The following USP48 variants were observed in gnomAD, a reference collection of about 807,000 sequenced individuals.
The protein encoded by USP48 is ubiquitin specific peptidase 48.
A neutral mutation model predicts 150.7 loss-of-function variants in USP48; 43 were observed. The observed-to-expected ratio is 0.29, with a 90% CI of 0.22 to 0.37. The LOEUF is 0.37. USP48 is among the 10% of genes least tolerant of loss of function. The pLI, the probability that USP48 is intolerant of heterozygous loss-of-function variation, is 1.00. For missense variants in USP48, 813 were observed against 1,249.6 expected (o/e 0.65, Z 5.27); for synonymous variants, 396 against 425.9 (o/e 0.93, Z 0.86).
At chr1:21,756,728 A>G in intron 2 of USP48, 26 bp from the exon 3 acceptor site, 1 of 1,609,916 alleles carries the variant, frequency 6.2e-7, no homozygotes, top group East Asian at 2.2e-5. Context: ...ATTCATAATT[A>G]TAAAACCCAT....
chr1:21,692,437 G>A (rs2097605025), intron 23 of USP48, among the ~76,000 whole-genome samples: 1 of 152,134 alleles, frequency 6.6e-6, no homozygotes, highest in Non-Finnish European at 1.5e-5. Context: ...CACAGCTGCT[G>A]GACTGTAAAA....
intron 8 of USP48, among the ~76,000 whole-genome samples, chr1:21,739,382 G>A (rs1313485948): frequency 6.6e-6 from 1 of 151,884 alleles, no homozygotes; most frequent in Non-Finnish European, 1.5e-5. Flanking sequence ...AGTCAAGCAT[G>A]GTATTGAGTG....
intron 9 of USP48, among the ~76,000 whole-genome samples, chr1:21,733,366 G>A (rs1184974984): frequency 2.0e-5 from 3 of 152,070 alleles, no homozygotes; most frequent in Non-Finnish European, 2.9e-5. Flanking sequence ...GTAGTGAGCC[G>A]AGATCGCGCC....
intron 1 of USP48, among the ~76,000 whole-genome samples, chr1:21,761,365 A>C (rs1157747099): frequency 6.6e-6 from 1 of 150,944 alleles, no homozygotes; most frequent in East Asian, 1.9e-4. Flanking sequence ...TACATCCTGG[A>C]CTCAAGTAAT....
chr1:21,779,679 C>A (rs1251099647), intron 1 of USP48, among the ~76,000 whole-genome samples: 1 of 152,028 alleles, frequency 6.6e-6, no homozygotes, highest in East Asian at 1.9e-4. Context: ...TTCATAGCAA[C>A]ATTATAATAG....
intron 15 of USP48, 22 bp from the exon 16 acceptor site, chr1:21,706,890 T>TA: frequency 6.4e-7 from 1 of 1,562,588 alleles, no homozygotes; most frequent in Non-Finnish European, 8.6e-7. Context: ...AAAATATATT[T>TA]GGAAAAAAAA....
At chr1:21,780,355 G>C (rs1430175291) in intron 1 of USP48, among the ~76,000 whole-genome samples, 1 of 152,128 alleles carries the variant, frequency 6.6e-6, no homozygotes, top group Non-Finnish European at 1.5e-5. Context: ...GAGAAATCCA[G>C]AGACAGAAAG....
intron 22 of USP48, among the ~76,000 whole-genome samples, chr1:21,695,956 T>A (rs2097628148): frequency 6.6e-6 from 1 of 152,072 alleles, no homozygotes; most frequent in Non-Finnish European, 1.5e-5. Flanking sequence ...ACAGACTCAC[T>A]CATAAAATAT....
chr1:21,690,206 A>C, intron 23 of USP48, 107 bp from the exon 24 acceptor site: 1 of 1,299,688 alleles, frequency 7.7e-7, no homozygotes, highest in Non-Finnish European at 1.0e-6. Context: ...AAAAGGCTTC[A>C]GAGTACAAAA....
At position 21,744,741 on chromosome 1, in the gene USP48, C is replaced by G. The variant is rs369415732; in HGVS notation, c.991+2326G>C. Reference sequence around the variant, plus strand: ...GCAGTGAGCCGAGATCATGCCACTGCACTCCAGCCTGGGCAACAGAATGAA... The same window carrying G: ...GCAGTGAGCCGAGATCATGCCACTGGACTCCAGCCTGGGCAACAGAATGAA... On this transcript the variant is annotated intron_variant, in intron 8 of 26. Coordinates refer to ENST00000308271, the MANE Select transcript of USP48 (RefSeq NM_032236.8). Among the ~76,000 whole-genome samples the G allele has an allele frequency of 3.0e-4, 43 of 141,958 alleles. No individual in the cohort carries two copies. In the East Asian group the frequency reaches 7.8e-3, roughly 26 times the overall value. The allele number at this position is 141,958 out of a possible 152,430, so 93.1% of individuals were successfully genotyped here.
At chr1:21,719,450 T>G (rs967933536) in intron 14 of USP48, among the ~76,000 whole-genome samples, 8 of 151,552 alleles carry the variant, frequency 5.3e-5, no homozygotes, top group African/African-American at 1.9e-4. Flanking sequence ...ATAAATATAA[T>G]ATAAAGTGAC....
intron 1 of USP48, among the ~76,000 whole-genome samples, chr1:21,775,157 T>C (rs1056612151): frequency 1.3e-5 from 2 of 151,936 alleles, no homozygotes; most frequent in African/African-American, 4.8e-5. Context: ...TGCGGTGGCA[T>C]GGTCTTGGCT....
At chr1:21,706,945 C>G in intron 15 of USP48, 77 bp from the exon 16 acceptor site, 1 of 1,467,138 alleles carries the variant, frequency 6.8e-7, no homozygotes, top group Non-Finnish European at 9.1e-7. Flanking sequence ...ATTTCTTAAA[C>G]TTAAGAAAAA....
intron 23 of USP48, among the ~76,000 whole-genome samples, chr1:21,694,495 G>A (rs1421156427): frequency 2.8e-5 from 4 of 140,680 alleles, no homozygotes; most frequent in South Asian, 4.7e-4. Flanking sequence ...GCTTGAACCC[G>A]GTAGGCGGAG....
At chr1:21,719,077 C>T (rs1046543066) in intron 14 of USP48, among the ~76,000 whole-genome samples, 1 of 151,032 alleles carries the variant, frequency 6.6e-6, no homozygotes, top group South Asian at 2.1e-4. Flanking sequence ...GACCAGCTGG[C>T]CAACATGGTG....
At chr1:21,764,290 T>A (rs1489453673) in intron 1 of USP48, among the ~76,000 whole-genome samples, 1 of 151,928 alleles carries the variant, frequency 6.6e-6, no homozygotes, top group African/African-American at 2.4e-5. Flanking sequence ...ATACAAAAAA[T>A]TAGCCAGGTG....
chr1:21,694,927 G>T lies in USP48; in HGVS notation c.2883+139C>A. On this transcript the variant is annotated intron_variant, in intron 23 of 26. Coordinates refer to ENST00000308271, the MANE Select transcript of USP48 (RefSeq NM_032236.8). ...AAATTCACTTTCATCTTCACAAAAA[G>T]ATTTTTGGCTATTTTGAAAACTTTA... 8.2e-6 allele frequency: 8 copies of T among 969,832 alleles called. No homozygotes were observed. The South Asian group carries it at 1.9e-4, about 23-fold the overall frequency. The allele number at this position is 969,832 out of a possible 1,614,324, so 60.1% of individuals were successfully genotyped here. A position where few individuals can be genotyped will look rare whatever the true frequency, so the allele number is the denominator to read the frequency against.
chr1:21,686,349 G>GT (rs1328408731), intron 25 of USP48: 4 of 152,182 alleles, frequency 2.6e-5, no homozygotes, highest in Admixed American at 6.5e-5. Flanking sequence ...TTATATTGAG[G>GT]TATGTTCCTT....
At chr1:21,683,550 C>CT (rs1446660228) in intron 25 of USP48, among the ~76,000 whole-genome samples, 2 of 152,124 alleles carry the variant, frequency 1.3e-5, no homozygotes, top group African/African-American at 4.8e-5. Context: ...ATGCCTGGCT[C>CT]TTTTTTTAAA....
Sources: allele counts gnomAD v4.1 joint callset (sites outside exome capture counted in the v4.1 genomes callset), GRCh38; gene constraint gnomAD v4.1.1; transcripts MANE v1.5; gene names NCBI Gene and HGNC (gene_info 2026-07-23, HGNC 2026-07-21).